The following ASXL2 variants were observed in gnomAD, a reference collection of about 807,000 sequenced individuals.
The protein encoded by ASXL2 is ASXL transcriptional regulator 2.
ASXL2 carries 23 observed loss-of-function variants against 122.0 expected under a neutral mutation model. That is an observed-to-expected ratio of 0.19 (90% CI 0.14 to 0.27). The LOEUF (loss-of-function observed/expected upper bound fraction) is 0.27. Ranked by LOEUF, ASXL2 falls within the 10% of genes least tolerant of loss-of-function variation. The pLI is 1.00. For synonymous variants in ASXL2, 650 were observed against 637.0 expected, an observed-to-expected ratio of 1.02 and a Z score of -0.31; for missense variants, 1,518 against 1,713.8, an observed-to-expected ratio of 0.89 and a Z score of 2.02.
rs562107477 is a variant in ASXL2 at position 25,871,625 on chromosome 2, C to CTTG, written c.57+6538_57+6540dup. Among the ~76,000 whole-genome samples the CTTG allele has an allele frequency of 8.8e-4, 134 of 152,264 alleles. 1 individual carries two copies. Among genetic ancestry groups the CTTG allele is most frequent in the African/African-American group, 3.1e-3 (127 of 41,564 alleles). ...TTGGTTTTTGAGACAGAGTTTCACT[C>CTTG]TTGTTGCCCAGGCTGGAGTGCAATG... On this transcript the variant is annotated intron_variant, in intron 1 of 12. Coordinates refer to ENST00000435504, the MANE Select transcript of ASXL2 (RefSeq NM_018263.6).
At chr2:25,756,892 G>A (rs745807354) in intron 9 of ASXL2, among the ~76,000 whole-genome samples, 46 of 152,292 alleles carry the variant, frequency 3.0e-4, no homozygotes, top group Non-Finnish European at 4.3e-4. Context: ...GAACTGGTAC[G>A]AGGGTAATAG....
chr2:25,791,042 C>T (rs2088825200), intron 5 of ASXL2, among the ~76,000 whole-genome samples: 1 of 152,000 alleles, frequency 6.6e-6, no homozygotes, highest in South Asian at 2.1e-4. Flanking sequence ...AGTCATACTC[C>T]TGCCTCGGCC....
intron 5 of ASXL2, 139 bp from the exon 6 acceptor site, chr2:25,771,679 A>G (rs2088458963): frequency 1.5e-6 from 1 of 670,304 alleles, no homozygotes. Context: ...TTGGAGTTTT[A>G]CTGCAAACAG....
At chr2:25,793,518 C>G (rs576649768) in intron 5 of ASXL2, among the ~76,000 whole-genome samples, 15 of 152,168 alleles carry the variant, frequency 9.9e-5, no homozygotes, top group Non-Finnish European at 1.9e-4. Context: ...TTTATTTTCT[C>G]CCAAAGACAT....
chr2:25,876,329 T>C (rs2149205999), intron 1 of ASXL2, among the ~76,000 whole-genome samples: 1 of 152,318 alleles, frequency 6.6e-6, no homozygotes, highest in Middle Eastern at 3.4e-3. Context: ...ATTTTTCCTA[T>C]TTGTCGCAAT....
intron 5 of ASXL2, among the ~76,000 whole-genome samples, chr2:25,773,207 C>CAA (rs1178925115): frequency 4.1e-5 from 5 of 121,866 alleles, no homozygotes; most frequent in Non-Finnish European, 7.0e-5. Context: ...GAGTCCATCT[C>CAA]AAAAAAAAAA....
In ASXL2 at chr2:25,744,454, G is replaced by A. The variant is rs2087906202; in HGVS notation, c.1883C>T (p.Pro628Leu). Residue 628 changes from proline to leucine, a missense_variant, in exon 13 of 13, where the codon CCC becomes CTC. Transcript: ENST00000435504. This position sits in a 1 kb window ranked among gnomAD's most constrained non-coding sequence, Gnocchi z 4.7. Reference protein sequence around the residue: ...PLKIPVSRISPMPFHPSQVSP... With the variant: ...PLKIPVSRISLMPFHPSQVSP... Reference sequence around the variant, plus strand: ...GACCTGCGATGGATGAAACGGCATGGGGGAGATTCTGGAGACCGGGATCTG... The same window carrying A: ...GACCTGCGATGGATGAAACGGCATGAGGGAGATTCTGGAGACCGGGATCTG... The A allele has an allele frequency of 6.2e-7, 1 of 1,603,108 alleles. No homozygotes were observed. Among genetic ancestry groups the A allele is most frequent in the African/African-American group, 1.3e-5 (1 of 74,400 alleles).
At chr2:25,754,500 G>A (rs966252980) in intron 10 of ASXL2, among the ~76,000 whole-genome samples, 18 of 152,154 alleles carry the variant, frequency 1.2e-4, no homozygotes, top group African/African-American at 2.9e-4. Flanking sequence ...AAAGGATTGG[G>A]AAAAGAGAGA....
intron 1 of ASXL2, among the ~76,000 whole-genome samples, chr2:25,860,404 A>C (rs768547944): frequency 6.6e-6 from 1 of 151,930 alleles, no homozygotes. Flanking sequence ...AAATTTAAAG[A>C]CTGAATGCAT....
chr2:25,871,299 A>G (rs570159683), intron 1 of ASXL2, among the ~76,000 whole-genome samples: 5 of 151,860 alleles, frequency 3.3e-5, no homozygotes, highest in South Asian at 2.1e-4. Context: ...AGAGGGGGGG[A>G]AAAATGTCCC....
At chr2:25,791,855 C>CT (rs1227630692) in intron 5 of ASXL2, among the ~76,000 whole-genome samples, 1 of 152,166 alleles carries the variant, frequency 6.6e-6, no homozygotes, top group African/African-American at 2.4e-5. Flanking sequence ...TGCTAATTAT[C>CT]TACTTATTTT....
intron 3 of ASXL2, among the ~76,000 whole-genome samples, chr2:25,813,235 A>C (rs1296600707): frequency 6.6e-6 from 1 of 152,162 alleles, no homozygotes; most frequent in Non-Finnish European, 1.5e-5. Flanking sequence ...CAAGGGAGTA[A>C]ACAGCCACAC....
In ASXL2 at chr2:25,754,242, T is replaced by A. The variant is rs181361939; in HGVS notation, c.1037-603A>T. On this transcript the variant is annotated intron_variant, in intron 10 of 12. Coordinates refer to ENST00000435504, the MANE Select transcript of ASXL2 (RefSeq NM_018263.6). The stretch of plus-strand genomic sequence containing the variant: ...GCCAAAGACCCAGCTGCTCTGAATA[T>A]GCCATTTATTTGCATATACTACCAA... Among the ~76,000 whole-genome samples, 3 of 152,338 alleles carry A rather than the reference T, an allele frequency of 2.0e-5. No individual in the cohort carries two copies. The East Asian group carries it at 5.8e-4, about 29-fold the overall frequency.
rs2087815736 is a variant in ASXL2, at chr2:25,740,862, A to T, written c.*1167T>A. The T allele has an allele frequency of 5.2e-6, 1 of 190,690 alleles. No individual in the cohort carries two copies. The highest frequency in any genetic ancestry group is 8.5e-5 in the East Asian group (1 of 11,798). 11.8% of individuals were successfully genotyped at this position (190,690 alleles called of 1,614,324 possible). ...ACACGTATGTGTAAAGTAAGATATA[A>T]TAAGATGATGTCATCCTGTTCAGAT... On this transcript the variant is annotated 3_prime_UTR_variant, in exon 13 of 13. Coordinates refer to ENST00000435504, the MANE Select transcript of ASXL2 (RefSeq NM_018263.6).
intron 5 of ASXL2, among the ~76,000 whole-genome samples, chr2:25,794,377 G>A (rs1399048763): frequency 6.6e-6 from 1 of 152,128 alleles, no homozygotes; most frequent in Non-Finnish European, 1.5e-5. Context: ...TTATTTTGGG[G>A]AAAAGGCAGA....
chr2:25,755,979 C>A (rs766154063), intron 10 of ASXL2, 39 bp downstream of exon 10: 42 of 1,527,570 alleles, frequency 2.7e-5, no homozygotes, highest in Admixed American at 6.7e-5. Context: ...GCTCTGAGTG[C>A]ACACACCACC....
chr2:25,831,048 G>A (rs981058211), intron 3 of ASXL2, among the ~76,000 whole-genome samples: 2 of 151,986 alleles, frequency 1.3e-5, no homozygotes, highest in East Asian at 1.9e-4. Context: ...GGCCAGGCAC[G>A]GTAGCTCACA....
chr2:25,832,410 AAT>A (rs2089464831), intron 3 of ASXL2, among the ~76,000 whole-genome samples: 2 of 152,150 alleles, frequency 1.3e-5, no homozygotes. Flanking sequence ...AGAATCCTAA[AAT>A]ATGATCCATG....
chr2:25,789,873 C>T (rs746754955), intron 5 of ASXL2, among the ~76,000 whole-genome samples: 1 of 152,068 alleles, frequency 6.6e-6, no homozygotes, highest in Non-Finnish European at 1.5e-5. Context: ...CCCAAACTGA[C>T]AGAAATCAGG....
Sources: allele counts gnomAD v4.1 joint callset (sites outside exome capture counted in the v4.1 genomes callset), GRCh38; gene constraint gnomAD v4.1.1; non-coding constraint Gnocchi (gnomAD v3.1); transcripts MANE v1.5; gene names NCBI Gene and HGNC (gene_info 2026-07-23, HGNC 2026-07-21).